The following SORCS1 variants were observed in gnomAD, a reference collection of about 807,000 sequenced individuals.
The protein encoded by SORCS1 is sortilin related VPS10 domain containing receptor 1.
In SORCS1, 60 loss-of-function variants were observed where a neutral mutation model predicts 146.1. The ratio of observed to expected loss-of-function variants is 0.41; its 90% CI spans 0.33 to 0.51. The LOEUF (loss-of-function observed/expected upper bound fraction) is 0.51, where lower values mean the gene tolerates loss of function less well. Among genes scored for constraint, SORCS1 ranks in the 20% least tolerant of loss-of-function variants. The pLI is 0.21. For missense variants in SORCS1, 1,352 were observed against 1,487.6 expected (o/e 0.91, Z 1.50); for synonymous variants, 637 against 584.0 (o/e 1.09, Z -1.31).
At chr10:106,770,902 G>A (rs767742707) in intron 4 of SORCS1, among the ~76,000 whole-genome samples, 6 of 152,166 alleles carry the variant, frequency 3.9e-5, no homozygotes, top group Non-Finnish European at 7.3e-5. Flanking sequence ...CATGCTCTAC[G>A]TGGTCTTGAA....
chr10:106,618,153 T>C lies in SORCS1; in HGVS notation c.2916A>G (p.Val972=). Residue 972 remains valine, a synonymous_variant, in exon 21 of 26, where the codon GTA becomes GTG. Transcript: ENST00000263054. ...AILQDTKTIA[V]YEEFRSLRLS... is the part of the protein sequence containing the mutation. Reference sequence around the variant, plus strand: ...TCCACTGAGATGGGCACTCACCATATACTGCGATGGTCTTTGTGTCTTGTA... The same window carrying C: ...TCCACTGAGATGGGCACTCACCATACACTGCGATGGTCTTTGTGTCTTGTA... 4 of 1,614,080 alleles carry C rather than the reference T, an allele frequency of 2.5e-6. No homozygotes were observed. Among genetic ancestry groups the C allele is most frequent in the Non-Finnish European group, 3.4e-6 (4 of 1,179,936 alleles).
rs372582803 is a variant in SORCS1, at chr10:106,620,442, C to T, written c.2782G>A (p.Gly928Arg). 9.3e-6 allele frequency: 15 copies of T among 1,613,102 alleles called. No homozygotes were observed. The highest frequency in any genetic ancestry group is 3.3e-5 in the South Asian group (3 of 90,990). The change falls in exon 20 of 26, where the codon GGA becomes AGA. Residue 928 changes from glycine (G) to arginine (R), a missense_variant. Physicochemically the swap from Gly to Arg is moderately radical, Grantham distance 125. Coordinates refer to ENST00000263054, the MANE Select transcript of SORCS1 (RefSeq NM_052918.5). ...GGTGAACCCACCTCCGTGTTGTTTCCGTACCACCACACGTAAGTGAGGGTG... is the reference window on the plus strand; with the variant it reads ...GGTGAACCCACCTCCGTGTTGTTTCTGTACCACCACACGTAAGTGAGGGTG... ...VGTLTYVWWY[G>R]NNTEPLITLE...
At chr10:106,629,149 A>G in intron 19 of SORCS1, 53 bp downstream of exon 19, 1 of 1,499,074 alleles carries the variant, frequency 6.7e-7, no homozygotes, top group Non-Finnish European at 9.1e-7. Context: ...ATTCAATTTG[A>G]AAAGGACACA....
At chr10:106,731,144 C>T (rs940904323) in intron 5 of SORCS1, among the ~76,000 whole-genome samples, 29 of 151,062 alleles carry the variant, frequency 1.9e-4, no homozygotes, top group African/African-American at 6.3e-4. Flanking sequence ...CCCATCTCTA[C>T]TAAAAATACA....
intron 1 of SORCS1, among the ~76,000 whole-genome samples, chr10:106,983,058 T>C (rs1416773348): frequency 1.6e-4 from 24 of 151,032 alleles, no homozygotes; most frequent in Admixed American, 1.6e-3. Context: ...TTTTTAAATA[T>C]TTATTTTGGC....
intron 19 of SORCS1, among the ~76,000 whole-genome samples, chr10:106,624,405 G>C (rs536477106): frequency 1.5e-5 from 2 of 132,440 alleles, no homozygotes; most frequent in African/African-American, 5.9e-5. Flanking sequence ...CTGTCACCCA[G>C]ACTGGAGTGC....
chr10:106,737,059 G>C (rs1338100830), intron 5 of SORCS1, among the ~76,000 whole-genome samples: 1 of 151,890 alleles, frequency 6.6e-6, no homozygotes, highest in African/African-American at 2.4e-5. Flanking sequence ...GTGTGCATGT[G>C]AGTGTGTGTG....
chr10:106,858,607 CA>C (rs71482495), intron 2 of SORCS1, among the ~76,000 whole-genome samples: 114 of 81,132 alleles, frequency 1.4e-3, no homozygotes, highest in Middle Eastern at 0.018. Context: ...GCCTCTGTCT[CA>C]AAAAAAAAAA....
intron 2 of SORCS1, among the ~76,000 whole-genome samples, chr10:106,954,523 G>A (rs1398490026): frequency 6.6e-6 from 1 of 152,118 alleles, no homozygotes; most frequent in Non-Finnish European, 1.5e-5. Context: ...TAGTTTTCAG[G>A]CTTCAGGCTG....
chr10:106,836,210 C>CA (rs1564715449), intron 2 of SORCS1, among the ~76,000 whole-genome samples: 2 of 151,436 alleles, frequency 1.3e-5, no homozygotes, highest in Admixed American at 6.6e-5. Flanking sequence ...CGCAGTGGCT[C>CA]ACGCCTGTAA....
chr10:106,922,355 C>A (rs893230530), intron 2 of SORCS1, among the ~76,000 whole-genome samples: 1 of 152,172 alleles, frequency 6.6e-6, no homozygotes. Context: ...AAGACTACAG[C>A]AGACTCTGGC....
At chr10:106,883,862 A>G (rs1479476606) in intron 2 of SORCS1, among the ~76,000 whole-genome samples, 3 of 152,224 alleles carry the variant, frequency 2.0e-5, no homozygotes, top group South Asian at 2.1e-4. Flanking sequence ...ACAGTGTCAC[A>G]GCAGGAAGAA....
At chr10:107,163,451 C>T in intron 1 of SORCS1, among the ~76,000 whole-genome samples, 1 of 152,218 alleles carries the variant, frequency 6.6e-6, no homozygotes, top group East Asian at 1.9e-4. Flanking sequence ...ACCTTATATA[C>T]TCTCCACTGC....
chr10:106,850,566 G>C (rs537261019), intron 2 of SORCS1, among the ~76,000 whole-genome samples: 429 of 152,288 alleles, frequency 2.8e-3, no homozygotes, highest in Non-Finnish European at 4.3e-3. Flanking sequence ...CACGCTGGGA[G>C]CTGTAGACCG....
At chr10:106,678,098 C>T (rs1852170196) in intron 12 of SORCS1, among the ~76,000 whole-genome samples, 1 of 152,170 alleles carries the variant, frequency 6.6e-6, no homozygotes, top group South Asian at 2.1e-4. Context: ...GTATAAGATG[C>T]ATGCTGTTTT....
At chr10:107,124,096 A>G (rs1966563276) in intron 1 of SORCS1, among the ~76,000 whole-genome samples, 1 of 152,086 alleles carries the variant, frequency 6.6e-6, no homozygotes, top group Admixed American at 6.5e-5. Flanking sequence ...CAAAAAAAAA[A>G]AAAAAGAAAA....
chr10:107,006,602 G>A (rs1199042259), intron 1 of SORCS1, among the ~76,000 whole-genome samples: 1 of 152,214 alleles, frequency 6.6e-6, no homozygotes, highest in Non-Finnish European at 1.5e-5. Context: ...CAGATCACGA[G>A]GTCAGGAGAT....
At chr10:107,130,259 T>C (rs962217687) in intron 1 of SORCS1, among the ~76,000 whole-genome samples, 3 of 152,180 alleles carry the variant, frequency 2.0e-5, no homozygotes, top group African/African-American at 7.2e-5. Flanking sequence ...TTAAAAAAAA[T>C]AGGTTTCTCA....
chr10:106,951,424 G>T (rs1322701233), intron 2 of SORCS1, among the ~76,000 whole-genome samples: 1 of 151,738 alleles, frequency 6.6e-6, no homozygotes, highest in Non-Finnish European at 1.5e-5. Flanking sequence ...GCAAGAGAAT[G>T]GCGGGTGAAC....
Sources: gnomAD v4.1 joint callset for allele counts (sites outside exome capture counted in the v4.1 genomes callset) on GRCh38, gnomAD v4.1.1 for gene constraint, MANE v1.5 for transcripts, NCBI Gene and HGNC (gene_info 2026-07-23, HGNC 2026-07-21) for gene names.